SRCIN1: variants seen among roughly 807,000 people sequenced by gnomAD.
SRCIN1 encodes SRC kinase signaling inhibitor 1, also known as P130Cas-associated protein.
Under a neutral mutation model 116.2 loss-of-function variants are expected in SRCIN1, and 50 were observed. The observed-to-expected ratio is 0.43, with a 90% CI of 0.34 to 0.54. The LOEUF (loss-of-function observed/expected upper bound fraction) is 0.54. SRCIN1 is among the 20% of genes least tolerant of loss of function. The pLI, the probability that SRCIN1 is intolerant of heterozygous loss-of-function variation, is 0.02. For synonymous variants in SRCIN1, 736 were observed against 750.0 expected, an observed-to-expected ratio of 0.98 and a Z score of 0.30; for missense variants, 1,446 against 1,672.0, an observed-to-expected ratio of 0.86 and a Z score of 2.36.
chr17:38,589,496 G>C (rs959019706), intron 1 of SRCIN1, among the ~76,000 whole-genome samples: 2 of 152,164 alleles, frequency 1.3e-5, no homozygotes, highest in African/African-American at 4.8e-5. Context: ...GCCAGGTTCG[G>C]GGCTCCCTTG....
At chr17:38,601,264 G>T (rs1239473332) in intron 1 of SRCIN1, 1 of 152,310 alleles carries the variant, frequency 6.6e-6, no homozygotes, top group East Asian at 1.9e-4. Flanking sequence ...TTCCACCAGG[G>T]TCTTGTCTTT....
chr17:38,591,753 G>A (rs1331528017), intron 1 of SRCIN1, among the ~76,000 whole-genome samples: 1 of 152,162 alleles, frequency 6.6e-6, no homozygotes, highest in African/African-American at 2.4e-5. Context: ...AGCTGAAACT[G>A]CTCCTTCCAG....
chr17:38,552,017 T>G lies in SRCIN1; in HGVS notation c.2596A>C (p.Ser866Arg). 6.2e-7 allele frequency: 1 copy of G among 1,613,800 alleles called. No individual in the cohort carries two copies. The highest frequency in any genetic ancestry group is 8.5e-7 in the Non-Finnish European group (1 of 1,179,852). ...KSVDFEMPPP[S>R]PPLNLHELSG... ...AGCTCATGCAGGTTCAGCGGGGGGCTGGGGGGTGGCATTTCGAAGTCCACG... is the reference window on the plus strand; with the variant it reads ...AGCTCATGCAGGTTCAGCGGGGGGCGGGGGGGTGGCATTTCGAAGTCCACG... The change falls in exon 14 of 19, where the codon AGC becomes CGC. Residue 866 changes from serine (S) to arginine (R), a missense_variant. By Grantham distance (110) the Ser-to-Arg change is moderately radical. Coordinates refer to ENST00000617146, the MANE Select transcript of SRCIN1 (RefSeq NM_025248.3). The surrounding 1 kb of genome is among the most constrained non-coding windows in gnomAD (Gnocchi z 5.3).
intron 1 of SRCIN1, among the ~76,000 whole-genome samples, chr17:38,593,526 C>T (rs1237107816): frequency 1.3e-5 from 2 of 152,120 alleles, no homozygotes; most frequent in Admixed American, 1.3e-4. Context: ...TGACCTCAGG[C>T]ATGCTACTTA....
At chr17:38,591,365 C>T (rs1026823866) in intron 1 of SRCIN1, among the ~76,000 whole-genome samples, 6 of 152,242 alleles carry the variant, frequency 3.9e-5, no homozygotes, top group African/African-American at 1.4e-4. Context: ...CCGGAACCTT[C>T]TGTCATAAGC....
At chr17:38,548,443 G>A (rs555596798) in intron 17 of SRCIN1, 114 bp downstream of exon 17, 800 of 1,333,034 alleles carry the variant, frequency 6.0e-4, no homozygotes, top group African/African-American at 1.8e-3. Flanking sequence ...CCAGCGCTCC[G>A]CAGGGAGCCC....
At chr17:38,566,145 AG>A (rs1455188915) in intron 3 of SRCIN1, among the ~76,000 whole-genome samples, 1 of 152,116 alleles carries the variant, frequency 6.6e-6, no homozygotes, top group Non-Finnish European at 1.5e-5. Flanking sequence ...GATGAAGAGT[AG>A]GGGGTGGCCA....
At chr17:38,548,907 C>T in intron 16 of SRCIN1, 149 bp downstream of exon 16, 1 of 1,217,062 alleles carries the variant, frequency 8.2e-7, no homozygotes, top group Non-Finnish European at 1.1e-6. Flanking sequence ...CCCAAACTAG[C>T]AGGACAAAGT....
Position 38,605,541 on chromosome 17 carries a change from C to A in SRCIN1, c.22+143G>T. On this transcript the variant is annotated intron_variant, in intron 1 of 18. Transcript: ENST00000617146. ...CTGCCCCCACACACCTGCGCCCCAG[C>A]ATCCCTCGCCCCGCCGGCCACCGCC... 8.2e-6 allele frequency: 4 copies of A among 490,718 alleles called. No individual in the cohort carries two copies. The South Asian group carries it at 1.0e-4, about 13-fold the overall frequency. The allele number at this position is 490,718 out of a possible 1,614,324, so 30.4% of individuals were successfully genotyped here.
In SRCIN1 at chr17:38,552,027, C is replaced by A; in HGVS notation, c.2586G>T (p.Met862Ile). 1 of 1,613,812 alleles carries A rather than the reference C, an allele frequency of 6.2e-7. No homozygotes were observed. Among genetic ancestry groups the A allele is most frequent in the Non-Finnish European group, 8.5e-7 (1 of 1,179,894 alleles). The change falls in exon 14 of 19, where the codon ATG (methionine) becomes ATT (isoleucine). Residue 862 changes from methionine to isoleucine, a missense_variant. Transcript: ENST00000617146. This position sits in a 1 kb window ranked among gnomAD's most constrained non-coding sequence, Gnocchi z 5.3. ...GGTTCAGCGGGGGGCTGGGGGGTGG[C>A]ATTTCGAAGTCCACGCTCTTGTTGA... ...TDFNKSVDFE[M>I]PPPSPPLNLH...
intron 1 of SRCIN1, among the ~76,000 whole-genome samples, chr17:38,588,420 A>G (rs2471628): frequency 0.37 from 55,662 of 152,212 alleles, 13,831 homozygotes; most frequent in African/African-American, 0.71. Context: ...TGGCAGCTCC[A>G]CTGCTCACGC....
chr17:38,569,177 C>T (rs1906913154), intron 2 of SRCIN1, among the ~76,000 whole-genome samples: 1 of 152,164 alleles, frequency 6.6e-6, no homozygotes, highest in Admixed American at 6.5e-5. Context: ...GAGAGTCCTC[C>T]TCATTTGCAG....
chr17:38,535,487 G>A (rs1401839528), intron 18 of SRCIN1, among the ~76,000 whole-genome samples: 3 of 152,118 alleles, frequency 2.0e-5, no homozygotes, highest in Non-Finnish European at 2.9e-5. Flanking sequence ...GATTACAGGC[G>A]TGAACCACCG....
intron 2 of SRCIN1, chr17:38,574,774 A>C: frequency 2.5e-6 from 1 of 399,790 alleles, no homozygotes; most frequent in East Asian, 3.6e-5. Context: ...AAAAGGTTGC[A>C]AAATAAAAGT....
intron 17 of SRCIN1, among the ~76,000 whole-genome samples, 179 bp downstream of exon 17, chr17:38,548,378 A>C (rs1321323790): frequency 2.6e-5 from 4 of 152,174 alleles, no homozygotes; most frequent in Admixed American, 6.5e-5. Context: ...TTAGACCCCC[A>C]CCCCTCATTT....
intron 11 of SRCIN1, among the ~76,000 whole-genome samples, chr17:38,555,164 C>T (rs1905702785): frequency 6.6e-6 from 1 of 152,212 alleles, no homozygotes; most frequent in African/African-American, 2.4e-5. Flanking sequence ...TTATCTCCAG[C>T]TTATACACAG....
rs1907182285 is a variant in SRCIN1 at position 38,572,841 on chromosome 17, C to A, written c.325-4610G>T. 1 of 152,156 alleles carries A rather than the reference C, an allele frequency of 6.6e-6. No individual in the cohort carries two copies. The allele number at this position is 152,156 out of a possible 1,614,324, so 9.4% of individuals were successfully genotyped here. A position where few individuals can be genotyped will look rare whatever the true frequency, so the allele number is the denominator to read the frequency against. On this transcript the variant is annotated intron_variant, in intron 2 of 18. Coordinates refer to ENST00000617146, the MANE Select transcript of SRCIN1 (RefSeq NM_025248.3). The surrounding 1 kb of genome is among the most constrained non-coding windows in gnomAD (Gnocchi z 4.3). ...AATGCGAGAGCCGCCGCGGCCGCCG[C>A]CGTGCCGGCCCGGGCCCCAGTCGCC...
At position 38,530,659 on chromosome 17, in the gene SRCIN1, C is replaced by T. The variant is rs9912504; in HGVS notation, c.*2638G>A. The T allele has an allele frequency of 0.11, 16,462 of 152,346 alleles. 1,200 individuals are homozygous for T. Among genetic ancestry groups the T allele is most frequent in the African/African-American group, 0.21 (8,769 of 41,480 alleles). 9.4% of individuals were successfully genotyped at this position (152,346 alleles called of 1,614,324 possible). ...GCACACATACCTGCACACACACACT[C>T]GGAGACACAGATTACATGCACCTCC... On this transcript the variant is annotated 3_prime_UTR_variant, in exon 19 of 19. Coordinates refer to ENST00000617146, the MANE Select transcript of SRCIN1 (RefSeq NM_025248.3).
At chr17:38,600,866 T>C (rs576785953) in intron 1 of SRCIN1, among the ~76,000 whole-genome samples, 1 of 152,330 alleles carries the variant, frequency 6.6e-6, no homozygotes, top group African/African-American at 2.4e-5. Flanking sequence ...GCCCCCAGCA[T>C]GGCTGGAACA....
Sources: gnomAD v4.1 joint callset for allele counts (sites outside exome capture counted in the v4.1 genomes callset) on GRCh38, gnomAD v4.1.1 for gene constraint, Gnocchi (gnomAD v3.1) non-coding constraint, MANE v1.5 for transcripts, NCBI Gene and HGNC (gene_info 2026-07-23, HGNC 2026-07-21) for gene names.